The following SLC9A6 variants were observed in gnomAD, a reference collection of about 807,000 sequenced individuals.
SLC9A6 encodes solute carrier family 9 member A6.
In SLC9A6, 6 loss-of-function variants were observed where a neutral mutation model predicts 45.3. The observed-to-expected ratio is 0.13, with a 90% CI of 0.07 to 0.26. The LOEUF (loss-of-function observed/expected upper bound fraction) is 0.26. Among genes scored for constraint, SLC9A6 ranks in the 10% least tolerant of loss-of-function variants. SLC9A6 has a pLI of 1.00. For missense variants in SLC9A6, 278 were observed against 503.7 expected (o/e 0.55, Z 4.29); for synonymous variants, 191 against 187.7 (o/e 1.02, Z -0.14).
chrX:135,992,868 C>T (rs929320486), intron 2 of SLC9A6, among the ~76,000 whole-genome samples: 7 of 111,730 alleles, frequency 6.3e-5, no homozygotes, highest in Admixed American at 3.8e-4. Context: ...CCAACTGGAC[C>T]GAGTTTTCCT....
intron 7 of SLC9A6, among the ~76,000 whole-genome samples, chrX:136,006,381 C>T (rs1296643935): frequency 1.5e-4 from 16 of 107,766 alleles, no homozygotes; most frequent in Non-Finnish European, 2.7e-4. Context: ...TAAATATGTG[C>T]CATGGTGGTT....
chrX:136,001,965 T>A, intron 6 of SLC9A6, 143 bp from the exon 7 acceptor site: 1 of 445,311 alleles, frequency 2.2e-6, no homozygotes. Context: ...AATTACGGGG[T>A]CTTTAATATG....
chrX:136,012,722 A>G (rs2070947055), intron 8 of SLC9A6, among the ~76,000 whole-genome samples: 1 of 112,425 alleles, frequency 8.9e-6, no homozygotes, highest in African/African-American at 3.2e-5. Context: ...CCGTGAAACA[A>G]TTGGAGTGGC....
intron 2 of SLC9A6, among the ~76,000 whole-genome samples, chrX:135,988,518 C>CTCTTTCTTTCTCTCTCTT (rs2089379726): frequency 1.2e-5 from 1 of 86,246 alleles, no homozygotes; most frequent in Admixed American, 1.4e-4. Context: ...TTCTTTCTCT[C>CTCTTTCTTTCTCTCTCTT]TCTTTCTTTC....
intron 16 of SLC9A6, among the ~76,000 whole-genome samples, chrX:136,034,217 C>T (rs782383182): frequency 6.3e-5 from 7 of 110,827 alleles, no homozygotes; most frequent in Middle Eastern, 4.6e-3. Flanking sequence ...ACCTGAGCTC[C>T]GCCTCCTGTC....
At chrX:135,995,725 T>A (rs2089487349) in intron 3 of SLC9A6, among the ~76,000 whole-genome samples, 1 of 112,306 alleles carries the variant, frequency 8.9e-6, no homozygotes, top group African/African-American at 3.2e-5. Flanking sequence ...CTTGCTTGTA[T>A]TCTATACCGA....
intron 11 of SLC9A6, among the ~76,000 whole-genome samples, chrX:136,020,488 A>T (rs1183574137): frequency 1.8e-5 from 2 of 111,286 alleles, no homozygotes; most frequent in African/African-American, 6.5e-5. Flanking sequence ...AGTAGCTGAG[A>T]TTACAGGCAT....
chrX:136,034,279 A>G (rs1556621552), intron 16 of SLC9A6, among the ~76,000 whole-genome samples: 1 of 110,247 alleles, frequency 9.1e-6, no homozygotes, highest in Non-Finnish European at 1.9e-5. Context: ...TGTGAACTGC[A>G]CTTGCGAGGG....
At chrX:135,983,133 T>C (rs1244584269), upstream of SLC9A6, among the ~76,000 whole-genome samples, 3 of 111,035 alleles carry the variant, frequency 2.7e-5, no homozygotes, top group Non-Finnish European at 5.7e-5. Context: ...GTAATGAGTT[T>C]GAAACAATGT....
At chrX:135,974,068 T>A, upstream of SLC9A6, 1 of 52,114 alleles carries the variant, frequency 1.9e-5, no homozygotes, top group Non-Finnish European at 3.9e-5. Flanking sequence ...GTAGAGAACG[T>A]GTGGGGGCGA....
chrX:136,016,155 C>T (rs1223662398), intron 10 of SLC9A6, among the ~76,000 whole-genome samples: 1 of 111,187 alleles, frequency 9.0e-6, no homozygotes, highest in Non-Finnish European at 1.9e-5. Context: ...GCTGGGAGTA[C>T]GAGAGTTCTC....
intron 2 of SLC9A6, among the ~76,000 whole-genome samples, chrX:135,986,090 A>G (rs1257532511): frequency 9.7e-6 from 1 of 102,796 alleles, no homozygotes; most frequent in Non-Finnish European, 2.0e-5. Flanking sequence ...CCAGCCCCCC[A>G]CCCTTTCCCT....
chrX:135,980,654 T>G (rs1283780068), upstream of SLC9A6, among the ~76,000 whole-genome samples: 1 of 111,215 alleles, frequency 9.0e-6, no homozygotes, highest in African/African-American at 3.3e-5. Context: ...ACTTCTGGGC[T>G]CAAGCAATCC....
Position 135,974,678 on chromosome X carries a change from A to G in SLC9A6, c.-162A>G, listed in dbSNP as rs1334117565. ...AGCTCCCTGGAAACTGGCACTGCAGAAGGAGGCAAGGGTGTTAAAACGAGG... is the reference window on the plus strand; with the variant it reads ...AGCTCCCTGGAAACTGGCACTGCAGGAGGAGGCAAGGGTGTTAAAACGAGG... On this transcript the variant is annotated 5_prime_UTR_variant, in exon 1 of 17. Transcript: ENST00000636092. 2.4e-5 allele frequency: 8 copies of G among 339,678 alleles called. No individual in the cohort carries two copies. In the East Asian group the frequency reaches 2.9e-4, roughly 12 times the overall value. The allele number at this position is 339,678 out of a possible 1,213,427, so 28.0% of individuals were successfully genotyped here. A position where few individuals can be genotyped will look rare whatever the true frequency, so the allele number is the denominator to read the frequency against.
chrX:136,028,175 A>G (rs1002096903), intron 13 of SLC9A6, among the ~76,000 whole-genome samples: 5 of 112,342 alleles, frequency 4.5e-5, no homozygotes, highest in Admixed American at 2.8e-4. Context: ...CTTAGTGTTA[A>G]TGTTTCAGAT....
intron 15 of SLC9A6, among the ~76,000 whole-genome samples, chrX:136,032,255 A>G (rs782218451): frequency 1.8e-5 from 2 of 111,788 alleles, no homozygotes; most frequent in African/African-American, 6.5e-5. Context: ...TGTTTTTAGT[A>G]GAGACGGGGT....
upstream of SLC9A6, chrX:135,983,673 T>C (rs1350198398): frequency 9.6e-6 from 1 of 104,560 alleles, no homozygotes; most frequent in Non-Finnish European, 1.9e-5. Context: ...TTCCTGACTC[T>C]GGTCAGGGAA....
intron 13 of SLC9A6, among the ~76,000 whole-genome samples, chrX:136,027,457 G>A (rs1027975912): frequency 1.6e-4 from 18 of 111,591 alleles, no homozygotes; most frequent in Non-Finnish European, 2.8e-4. Flanking sequence ...TCTCATGGCC[G>A]GAGTATAGTG....
intron 10 of SLC9A6, among the ~76,000 whole-genome samples, chrX:136,015,092 C>T (rs147950509): frequency 0.016 from 1,786 of 110,217 alleles, 26 homozygotes; most frequent in African/African-American, 0.055. Flanking sequence ...TCCAGCCCTC[C>T]GGCCACATCC....
Sources: gnomAD v4.1 joint callset for allele counts (sites outside exome capture counted in the v4.1 genomes callset) on GRCh38, gnomAD v4.1.1 for gene constraint, MANE v1.5 for transcripts, NCBI Gene and HGNC (gene_info 2026-07-23, HGNC 2026-07-21) for gene names.